Variants in CTNNA3 observed in about 807,000 individuals in gnomAD.
The protein encoded by CTNNA3 is catenin alpha-3.
A neutral mutation model predicts 95.7 loss-of-function variants in CTNNA3; 76 were observed. The ratio of observed to expected loss-of-function variants is 0.79; its 90% CI spans 0.66 to 0.96. CTNNA3 has a LOEUF of 0.96. CTNNA3 is among the 40% of genes least tolerant of loss of function. The pLI is 0.00. For synonymous variants in CTNNA3, 431 were observed against 374.4 expected (o/e 1.15, Z -1.74); for missense variants, 1,191 against 1,089.8 (o/e 1.09, Z -1.31).
At chr10:66,001,040 T>G (rs1167663833) in intron 15 of CTNNA3, among the ~76,000 whole-genome samples, 2 of 152,106 alleles carry the variant, frequency 1.3e-5, no homozygotes, top group Non-Finnish European at 2.9e-5. Flanking sequence ...ATATAGGTGA[T>G]GGGTAGTTGG....
intron 13 of CTNNA3, among the ~76,000 whole-genome samples, chr10:66,254,499 C>G (rs567028575): frequency 1.3e-5 from 2 of 152,132 alleles, no homozygotes; most frequent in African/African-American, 4.8e-5. Context: ...GAAAATCCAC[C>G]GCTTCACACT....
intron 13 of CTNNA3, among the ~76,000 whole-genome samples, chr10:66,176,182 G>T (rs543813691): frequency 6.6e-6 from 1 of 152,100 alleles, no homozygotes; most frequent in Non-Finnish European, 1.5e-5. Context: ...ATACGTGTGC[G>T]CACATGTATT....
chr10:67,052,323 T>A (rs1855154110), intron 7 of CTNNA3, among the ~76,000 whole-genome samples: 1 of 148,848 alleles, frequency 6.7e-6, no homozygotes, highest in Non-Finnish European at 1.5e-5. Flanking sequence ...ACTCTCTCTC[T>A]CTCTCTCTCT....
At chr10:67,507,607 A>G (rs1203654641) in intron 5 of CTNNA3, among the ~76,000 whole-genome samples, 1 of 152,124 alleles carries the variant, frequency 6.6e-6, no homozygotes. Flanking sequence ...TCATCAAAGG[A>G]AAGCCCAGGA....
At position 66,012,830 on chromosome 10, in the gene CTNNA3, T is replaced by G. The variant is rs538000389; in HGVS notation, c.2160-24033A>C. Among the ~76,000 whole-genome samples, 148 of 152,330 alleles carry G rather than the reference T, an allele frequency of 9.7e-4. 2 individuals carry two copies. The South Asian group carries it at 0.021, about 21-fold the overall frequency. On this transcript the variant is annotated intron_variant, in intron 15 of 17. Transcript: ENST00000433211. ...ATTGACAGCTTTAACTATCAGCTAT[T>G]TCTTTAAATTCAACAAAAATCTGCT...
chr10:67,438,379 C>T (rs1270782532), intron 5 of CTNNA3, among the ~76,000 whole-genome samples: 6 of 152,146 alleles, frequency 3.9e-5, no homozygotes, highest in African/African-American at 1.4e-4. Flanking sequence ...ACATCTGCTC[C>T]GTGAAGGCAG....
chr10:67,072,251 A>C (rs545967401), intron 7 of CTNNA3, among the ~76,000 whole-genome samples: 1 of 152,050 alleles, frequency 6.6e-6, no homozygotes, highest in East Asian at 1.9e-4. Flanking sequence ...ACCATGCCCA[A>C]CCTGTTTGAT....
chr10:66,662,522 T>G (rs1846298993), intron 9 of CTNNA3, among the ~76,000 whole-genome samples: 1 of 152,142 alleles, frequency 6.6e-6, no homozygotes, highest in Non-Finnish European at 1.5e-5. Flanking sequence ...TAGAAGCAAC[T>G]GGAAGAGCTC....
intron 16 of CTNNA3, among the ~76,000 whole-genome samples, chr10:65,979,801 C>T (rs2078282303): frequency 6.6e-6 from 1 of 152,034 alleles, no homozygotes; most frequent in East Asian, 1.9e-4. Flanking sequence ...AGGAGATTCA[C>T]TATTACTTGA....
At chr10:66,302,596 T>G (rs953205503) in intron 12 of CTNNA3, among the ~76,000 whole-genome samples, 1 of 152,152 alleles carries the variant, frequency 6.6e-6, no homozygotes, top group Non-Finnish European at 1.5e-5. Context: ...GAACAAAGTC[T>G]ACAGTTGCCT....
At chr10:66,709,496 G>A (rs1589153287) in intron 9 of CTNNA3, among the ~76,000 whole-genome samples, 1 of 148,870 alleles carries the variant, frequency 6.7e-6, no homozygotes, top group Admixed American at 7.1e-5. Context: ...AATGGCTAAG[G>A]TTTAGTTTTT....
At chr10:66,703,437 G>C (rs1848018321) in intron 9 of CTNNA3, among the ~76,000 whole-genome samples, 1 of 152,156 alleles carries the variant, frequency 6.6e-6, no homozygotes, top group African/African-American at 2.4e-5. Context: ...TATGGCATAA[G>C]CATTATTTTT....
chr10:66,595,947 T>C (rs1328866558), intron 10 of CTNNA3, among the ~76,000 whole-genome samples: 4 of 152,146 alleles, frequency 2.6e-5, no homozygotes, highest in African/African-American at 9.6e-5. Context: ...AGAGCTACCA[T>C]GCCCAGCCTC....
At chr10:67,268,354 TA>T (rs1202035872) in intron 5 of CTNNA3, among the ~76,000 whole-genome samples, 1 of 147,142 alleles carries the variant, frequency 6.8e-6, no homozygotes. Flanking sequence ...TAAATTAAAT[TA>T]AATAAATAAA....
At chr10:66,195,205 C>A (rs1268878145) in intron 13 of CTNNA3, among the ~76,000 whole-genome samples, 1 of 151,912 alleles carries the variant, frequency 6.6e-6, no homozygotes, top group Non-Finnish European at 1.5e-5. Context: ...TTCCCTGTAT[C>A]TTTTTTGTTT....
At chr10:66,644,306 CTATA>C (rs112963546) in intron 9 of CTNNA3, among the ~76,000 whole-genome samples, 36,315 of 106,850 alleles carry the variant, frequency 0.34, 5,033 homozygotes, top group East Asian at 0.53. Flanking sequence ...CTCTCTCTCT[CTATA>C]TATATATATA....
intron 5 of CTNNA3, among the ~76,000 whole-genome samples, chr10:67,457,676 G>A (rs940830230): frequency 2.0e-5 from 3 of 152,100 alleles, no homozygotes; most frequent in Non-Finnish European, 2.9e-5. Context: ...GTAGGACTGC[G>A]TTCCTTCTGG....
chr10:65,924,108 A>T (rs1201595558), intron 17 of CTNNA3, among the ~76,000 whole-genome samples: 1 of 152,212 alleles, frequency 6.6e-6, no homozygotes, highest in Non-Finnish European at 1.5e-5. Flanking sequence ...ATGTTGACTT[A>T]AGGCAAATGC....
chr10:67,285,589 A>G (rs1224490554), intron 5 of CTNNA3, among the ~76,000 whole-genome samples: 2 of 152,360 alleles, frequency 1.3e-5, no homozygotes, highest in East Asian at 3.9e-4. Flanking sequence ...GAGGCAGTCT[A>G]AAGAATTACA....
Sources: gnomAD v4.1 joint callset for allele counts (sites outside exome capture counted in the v4.1 genomes callset) on GRCh38, gnomAD v4.1.1 for gene constraint, MANE v1.5 for transcripts, NCBI Gene and HGNC (gene_info 2026-07-23, HGNC 2026-07-21) for gene names.